Variants in ENTREP2 observed in about 807,000 individuals in gnomAD.
The protein encoded by ENTREP2 is protein ENTREP2.
At chr15:29,157,366 G>A in the ENTREP2 span, among the ~76,000 whole-genome samples, 6 of 152,154 alleles carry the variant, frequency 3.9e-5, no homozygotes. Flanking sequence ...AGGGGCCTGG[G>A]GGCCTCCGCA....
chr15:29,611,292 C>A, the ENTREP2 span: 1 of 151,990 alleles, frequency 6.6e-6, no homozygotes, highest in Non-Finnish European at 1.5e-5. Context: ...AGGGAAATGA[C>A]CCAGCCTTTC....
chr15:29,332,242 T>C, the ENTREP2 span, among the ~76,000 whole-genome samples: 1 of 152,164 alleles, frequency 6.6e-6, no homozygotes, highest in South Asian at 2.1e-4. Context: ...AGAAGGTGGT[T>C]TTAAAATTCA....
the ENTREP2 span, among the ~76,000 whole-genome samples, chr15:29,442,291 G>A: frequency 5.0e-4 from 76 of 152,224 alleles, no homozygotes; most frequent in South Asian, 6.0e-3. Flanking sequence ...CCACCCCATC[G>A]CCATCTGGGT....
At chr15:29,361,630 G>A in the ENTREP2 span, among the ~76,000 whole-genome samples, 1 of 152,124 alleles carries the variant, frequency 6.6e-6, no homozygotes, top group Admixed American at 6.5e-5. Context: ...TCAGGGCCCT[G>A]TGCAATGCAT....
the ENTREP2 span, chr15:29,269,100 C>T: frequency 3.7e-6 from 6 of 1,614,044 alleles, no homozygotes; most frequent in African/African-American, 1.3e-5. Context: ...CTAAGCGCCG[C>T]AGAAAGTCCC....
the ENTREP2 span, among the ~76,000 whole-genome samples, chr15:29,492,636 C>T: frequency 7.9e-5 from 12 of 152,212 alleles, no homozygotes; most frequent in Non-Finnish European, 1.6e-4. Flanking sequence ...TAACTTTTCC[C>T]GATAGGAAAT....
chr15:29,128,939 C>A, the ENTREP2 span: 3 of 984,112 alleles, frequency 3.0e-6, no homozygotes, highest in Admixed American at 2.7e-5. Context: ...GTAGTGTAGG[C>A]GCTTAAACTT....
the ENTREP2 span, among the ~76,000 whole-genome samples, chr15:29,223,581 A>G: frequency 6.6e-6 from 1 of 152,100 alleles, no homozygotes; most frequent in South Asian, 2.1e-4. Flanking sequence ...CCTAAAAATG[A>G]GCTATAAATC....
the ENTREP2 span, among the ~76,000 whole-genome samples, chr15:29,655,311 T>C: frequency 6.6e-6 from 1 of 152,170 alleles, no homozygotes; most frequent in Non-Finnish European, 1.5e-5. Flanking sequence ...GAATTTTGAA[T>C]CTTGTGGTTC....
At chr15:29,542,439 C>T in the ENTREP2 span, among the ~76,000 whole-genome samples, 3 of 151,788 alleles carry the variant, frequency 2.0e-5, no homozygotes, top group Admixed American at 6.6e-5. Flanking sequence ...GCTGGGACTA[C>T]AGGAGCCTGC....
At chr15:29,582,627 T>C in the ENTREP2 span, among the ~76,000 whole-genome samples, 1 of 151,990 alleles carries the variant, frequency 6.6e-6, no homozygotes, top group Non-Finnish European at 1.5e-5. Flanking sequence ...AAGAAAATAA[T>C]CCTGAATTTA....
the ENTREP2 span, among the ~76,000 whole-genome samples, chr15:29,544,414 A>AT: frequency 7.4e-6 from 1 of 134,876 alleles, no homozygotes; most frequent in Non-Finnish European, 1.6e-5. Context: ...CTGGAGGTGT[A>AT]TGATGTTGAT....
chr15:29,600,930 C>CTTTTTTTTTT, the ENTREP2 span, among the ~76,000 whole-genome samples: 1 of 108,608 alleles, frequency 9.2e-6, no homozygotes, highest in African/African-American at 5.1e-5. Context: ...CAGAGTCTCG[C>CTTTTTTTTTT]TCTTTTGCCC....
At chr15:29,268,455 T>A in the ENTREP2 span, 7 of 276,810 alleles carry the variant, frequency 2.5e-5, no homozygotes, top group Non-Finnish European at 4.6e-5. Context: ...GCTTTTTTAT[T>A]TTCTTGGCAC....
the ENTREP2 span, among the ~76,000 whole-genome samples, chr15:29,463,836 A>T: frequency 6.6e-6 from 1 of 152,210 alleles, no homozygotes; most frequent in South Asian, 2.1e-4. Flanking sequence ...ACAGATATAC[A>T]AAATGTGGCA....
chr15:29,170,954 G>A, the ENTREP2 span, among the ~76,000 whole-genome samples: 2 of 152,332 alleles, frequency 1.3e-5, no homozygotes, highest in South Asian at 2.1e-4. Context: ...AAGTCCTAGA[G>A]CATGGGGCCA....
the ENTREP2 span, among the ~76,000 whole-genome samples, chr15:29,417,934 G>A: frequency 1.3e-5 from 2 of 152,084 alleles, no homozygotes; most frequent in Admixed American, 1.3e-4. Context: ...ATTCCACAAA[G>A]CAATTATGTT....
At chr15:29,184,345 A>G in the ENTREP2 span, among the ~76,000 whole-genome samples, 292 of 152,306 alleles carry the variant, frequency 1.9e-3, 2 homozygotes, top group African/African-American at 6.5e-3. Flanking sequence ...GATGCACAGA[A>G]CAAGGACCTG....
chr15:29,346,614 C>T, the ENTREP2 span, among the ~76,000 whole-genome samples: 1 of 152,154 alleles, frequency 6.6e-6, no homozygotes, highest in African/African-American at 2.4e-5. Context: ...AGAATGGTTC[C>T]ACAAAAAGAG....
Sources: gnomAD v4.1 joint callset for allele counts (sites outside exome capture counted in the v4.1 genomes callset) on GRCh38, gnomAD v4.1.1 for gene constraint, MANE v1.5 for transcripts, NCBI Gene and HGNC (gene_info 2026-07-23, HGNC 2026-07-21) for gene names.